TRAF2: variants seen among roughly 807,000 people sequenced by gnomAD.
TRAF2 encodes the protein TNF receptor-associated factor 2.
In TRAF2, 6 loss-of-function variants were observed where a neutral mutation model predicts 55.6. That is an observed-to-expected ratio of 0.11 (90% CI 0.06 to 0.21). The LOEUF (loss-of-function observed/expected upper bound fraction) is 0.21, where lower values mean the gene tolerates loss of function less well. Among genes scored for constraint, TRAF2 ranks in the 10% least tolerant of loss-of-function variants. TRAF2 has a pLI of 1.00. For missense variants in TRAF2, 561 were observed against 684.5 expected (o/e 0.82, Z 2.01); for synonymous variants, 329 against 276.3 (o/e 1.19, Z -1.89).
rs1317680720 is a variant in TRAF2, at chr9:136,923,980, C to T, written c.1267C>T (p.Arg423Trp). The T allele has an allele frequency of 4.3e-6, 7 of 1,613,358 alleles. No homozygotes were observed. Among genetic ancestry groups the T allele is most frequent in the Admixed American group, 1.7e-5 (1 of 60,004 alleles). The change falls in exon 10 of 11, where the codon CGG becomes TGG. Residue 423 changes from arginine to tryptophan, a missense_variant. Physicochemically the swap from Arg to Trp is moderately radical, Grantham distance 101 (BLOSUM62 -3). This residue lies in a region of TRAF2 where 135 missense variants were observed against 207.7 expected (regional missense o/e 0.65). Transcript: ENST00000247668. ...GAAGGGCCCGAATGACGCCCTGCTG[C>T]GGTGGCCCTTCAACCAGAAGGTGAG... ...VMKGPNDALL[R>W]WPFNQKVTLM... is the part of the protein sequence containing the mutation.
intron 6 of TRAF2, among the ~76,000 whole-genome samples, chr9:136,912,152 C>CTTTTTTTTTTTTTTTTT (rs1180324647): frequency 8.6e-5 from 5 of 58,332 alleles, no homozygotes; most frequent in African/African-American, 3.0e-4. Flanking sequence ...GCGTCTGGCC[C>CTTTTTTTTTTTTTTTTT]TTTTTTTTTT....
chr9:136,926,027 G>A lies in TRAF2; in HGVS notation c.*126G>A. Reference sequence around the variant, plus strand: ...GGGCCGCGCTTGGGCGCTTGGGAGGGTGTCGGCCTGCAGCCAAGTTCACTG... The same window carrying A: ...GGGCCGCGCTTGGGCGCTTGGGAGGATGTCGGCCTGCAGCCAAGTTCACTG... On this transcript the variant is annotated 3_prime_UTR_variant, in exon 11 of 11. Transcript: ENST00000247668. The A allele has an allele frequency of 8.5e-7, 1 of 1,173,938 alleles. No homozygotes were observed. Among genetic ancestry groups the A allele is most frequent in the Non-Finnish European group, 1.3e-6 (1 of 798,266 alleles). 72.7% of individuals were successfully genotyped at this position (1,173,938 alleles called of 1,614,324 possible).
chr9:136,916,423 G>A, intron 6 of TRAF2, 118 bp from the exon 7 acceptor site: 1 of 983,214 alleles, frequency 1.0e-6, no homozygotes, highest in East Asian at 2.5e-5. Flanking sequence ...CAGTGTGAGA[G>A]TGAAGAGGCC....
upstream of TRAF2, chr9:136,881,963 A>C: frequency 1.0e-6 from 1 of 985,202 alleles, no homozygotes; most frequent in South Asian, 4.7e-5. Flanking sequence ...GCTGCAGCAC[A>C]GGGCTGACAT....
upstream of TRAF2, among the ~76,000 whole-genome samples, chr9:136,883,709 G>A (rs571317078): frequency 6.6e-6 from 1 of 152,020 alleles, no homozygotes; most frequent in Admixed American, 6.6e-5. Flanking sequence ...TAGAGACAGG[G>A]TTTCACCACG....
chr9:136,917,398 G>C (rs561844697), intron 7 of TRAF2, among the ~76,000 whole-genome samples: 1 of 152,320 alleles, frequency 6.6e-6, no homozygotes, highest in East Asian at 1.9e-4. Flanking sequence ...GGTCTCTCCA[G>C]GTGGACCCCC....
At chr9:136,900,892 C>T (rs545239098) in intron 4 of TRAF2, among the ~76,000 whole-genome samples, 1 of 152,258 alleles carries the variant, frequency 6.6e-6, no homozygotes, top group East Asian at 1.9e-4. Context: ...AGTAGCATTT[C>T]CTGGGAATGA....
chr9:136,882,973 C>T (rs975767116), upstream of TRAF2, among the ~76,000 whole-genome samples: 3 of 152,156 alleles, frequency 2.0e-5, no homozygotes, highest in South Asian at 2.1e-4. Flanking sequence ...CAGGTTCAAG[C>T]GATTTTCCTG....
intron 6 of TRAF2, among the ~76,000 whole-genome samples, chr9:136,915,016 C>G (rs981914895): frequency 6.6e-6 from 1 of 151,978 alleles, no homozygotes; most frequent in African/African-American, 2.4e-5. Flanking sequence ...CCCGTCTCTA[C>G]TAAAAATACA....
At chr9:136,922,039 G>A (rs1440990567) in intron 9 of TRAF2, among the ~76,000 whole-genome samples, 3 of 152,222 alleles carry the variant, frequency 2.0e-5, no homozygotes, top group Non-Finnish European at 4.4e-5. Flanking sequence ...TCAAGGCCGA[G>A]ATGCTGTAGG....
intron 3 of TRAF2, among the ~76,000 whole-genome samples, chr9:136,900,115 C>G (rs1194045243): frequency 6.6e-6 from 1 of 150,714 alleles, no homozygotes; most frequent in Non-Finnish European, 1.5e-5. Flanking sequence ...TGCAGTGAGC[C>G]AAGATCGCAT....
At chr9:136,905,393 C>T (rs191268635) in intron 4 of TRAF2, among the ~76,000 whole-genome samples, 12 of 152,232 alleles carry the variant, frequency 7.9e-5, no homozygotes, top group South Asian at 2.1e-4. Flanking sequence ...ACAGAGTCCC[C>T]GGAGTGGTCA....
At chr9:136,912,713 T>G (rs978564709) in intron 6 of TRAF2, among the ~76,000 whole-genome samples, 1 of 146,420 alleles carries the variant, frequency 6.8e-6, no homozygotes, top group African/African-American at 2.6e-5. Flanking sequence ...GGTGCACACC[T>G]GTAGTCCCAG....
chr9:136,901,622 G>C (rs531836098), intron 4 of TRAF2, among the ~76,000 whole-genome samples: 3 of 152,308 alleles, frequency 2.0e-5, no homozygotes, highest in South Asian at 2.1e-4. Context: ...TGAGTACCGA[G>C]TCATACATTG....
At chr9:136,884,566 GAA>G (rs1849412180), upstream of TRAF2, among the ~76,000 whole-genome samples, 1 of 61,814 alleles carries the variant, frequency 1.6e-5, no homozygotes, top group Admixed American at 1.2e-4. Flanking sequence ...TCTCAAAAAA[GAA>G]AAAAAAGAGA....
chr9:136,899,426 A>T (rs1219395478), intron 2 of TRAF2, among the ~76,000 whole-genome samples, 168 bp from the exon 3 acceptor site: 3 of 152,216 alleles, frequency 2.0e-5, no homozygotes. Context: ...TGCTGTGAAT[A>T]CTGGGGTTTA....
intron 1 of TRAF2, among the ~76,000 whole-genome samples, chr9:136,889,078 G>A (rs770516985): frequency 3.3e-5 from 5 of 152,252 alleles, no homozygotes; most frequent in East Asian, 3.9e-4. Context: ...GTTAGCCAGG[G>A]TGGTCTCGAT....
chr9:136,896,517 G>T (rs545073986), intron 1 of TRAF2, among the ~76,000 whole-genome samples: 33 of 152,372 alleles, frequency 2.2e-4, no homozygotes, highest in African/African-American at 7.7e-4. Context: ...TGCCGTGGAA[G>T]TTCCTTGTGC....
chr9:136,909,059 A>T (rs188916240), intron 5 of TRAF2, among the ~76,000 whole-genome samples: 2 of 151,966 alleles, frequency 1.3e-5, no homozygotes, highest in East Asian at 1.9e-4. Flanking sequence ...AAAGAAAAAA[A>T]ATTTTTAAAA....
Sources: allele counts gnomAD v4.1 joint callset (sites outside exome capture counted in the v4.1 genomes callset), GRCh38; gene constraint gnomAD v4.1.1; regional missense constraint gnomAD v4.1.1; transcripts MANE v1.5; gene names NCBI Gene and HGNC (gene_info 2026-07-23, HGNC 2026-07-21).